The following ARHGAP22 variants were observed in gnomAD, a reference collection of about 807,000 sequenced individuals.
The protein encoded by ARHGAP22 is Rho GTPase activating protein 22.
A neutral mutation model predicts 59.1 loss-of-function variants in ARHGAP22; 48 were observed. The observed-to-expected ratio is 0.81, with a 90% CI of 0.64 to 1.03. The LOEUF is 1.03. Ranked by LOEUF, ARHGAP22 falls within the 50% of genes least tolerant of loss-of-function variation. The pLI, the probability that ARHGAP22 is intolerant of heterozygous loss-of-function variation, is 0.00. For synonymous variants in ARHGAP22, 445 were observed against 416.4 expected (o/e 1.07, Z -0.84); for missense variants, 1,015 against 958.7 (o/e 1.06, Z -0.78).
chr10:48,431,067 A>C, the ARHGAP22 span: 1 of 675,858 alleles, frequency 1.5e-6, no homozygotes, highest in Non-Finnish European at 2.7e-6. Flanking sequence ...CATTTAACTG[A>C]CTGTCATTGT....
chr10:48,453,926 C>G (rs549821226), intron 7 of ARHGAP22, among the ~76,000 whole-genome samples, 162 bp downstream of exon 7: 30 of 152,292 alleles, frequency 2.0e-4, no homozygotes, highest in African/African-American at 7.2e-4. Flanking sequence ...AGGGTCTGTG[C>G]TTTTCCACTC....
intron 1 of ARHGAP22, among the ~76,000 whole-genome samples, chr10:48,644,691 A>G (rs1589302944): frequency 6.6e-6 from 1 of 152,338 alleles, no homozygotes; most frequent in East Asian, 1.9e-4. Context: ...ATCACACAGG[A>G]AATCAGAAGG....
rs553835954 is a variant in ARHGAP22 at position 48,539,290 on chromosome 10, C to CTTTTTTTTTTTTTTTTT, written c.322+16172_322+16173insAAAAAAAAAAAAAAAAA. On this transcript the variant is annotated intron_variant, in intron 3 of 9. Coordinates refer to ENST00000249601, the MANE Select transcript of ARHGAP22 (RefSeq NM_021226.4). ...CTAACAATTAGTATGAGAAGGGTAA[C>CTTTTTTTTTTTTTTTTT]ATTTTTTTTTTTTTTTTTTGAGACG... Among the ~76,000 whole-genome samples the CTTTTTTTTTTTTTTTTT allele has an allele frequency of 3.1e-5, 4 of 129,308 alleles. 1 individual carries two copies. The highest frequency in any genetic ancestry group is 6.3e-5 in the African/African-American group (2 of 31,956). The allele number at this position is 129,308 out of a possible 152,430, so 84.8% of individuals were successfully genotyped here.
At chr10:48,522,518 C>T (rs1473871385) in intron 3 of ARHGAP22, among the ~76,000 whole-genome samples, 1 of 152,332 alleles carries the variant, frequency 6.6e-6, no homozygotes, top group Middle Eastern at 3.4e-3. Flanking sequence ...TCCACCCTTG[C>T]TTTTGGGACA....
At chr10:48,609,189 C>T (rs977775993), upstream of ARHGAP22, among the ~76,000 whole-genome samples, 3 of 152,212 alleles carry the variant, frequency 2.0e-5, no homozygotes, top group African/African-American at 7.2e-5. Context: ...ACTCTGTCTG[C>T]CCCAGTCACT....
Position 48,446,504 on chromosome 10 carries a change from C to A in ARHGAP22, c.1984G>T (p.Ala662Ser). 6.2e-7 allele frequency: 1 copy of A among 1,614,270 alleles called. No homozygotes were observed. The highest frequency in any genetic ancestry group is 8.5e-7 in the Non-Finnish European group (1 of 1,180,040). ...TTCCTCCTCTCCGCATCCTCCCGCGCCCGTTCAGAGTTCCGCAGCTTTATT... is the reference window on the plus strand; with the variant it reads ...TTCCTCCTCTCCGCATCCTCCCGCGACCGTTCAGAGTTCCGCAGCTTTATT... ...LEIKLRNSER[A>S]REDAERRNQL... Residue 662 changes from alanine to serine, a missense_variant, in exon 10 of 10, where the codon GCG becomes TCG. Physicochemically the swap from Ala to Ser is moderately conservative, Grantham distance 99 (BLOSUM62 1). Coordinates refer to ENST00000249601, the MANE Select transcript of ARHGAP22 (RefSeq NM_021226.4).
At chr10:48,519,933 G>C (rs2053649603) in intron 3 of ARHGAP22, among the ~76,000 whole-genome samples, 1 of 152,184 alleles carries the variant, frequency 6.6e-6, no homozygotes, top group Non-Finnish European at 1.5e-5. Flanking sequence ...ATGCTGGCTT[G>C]GGCAGTGGAC....
the ARHGAP22 span, chr10:48,435,321 T>C: frequency 3.7e-6 from 1 of 273,760 alleles, no homozygotes; most frequent in African/African-American, 2.2e-5. Context: ...TGCTTTATCT[T>C]ATGCTGCTGA....
chr10:48,462,414 G>A (rs539607811), intron 4 of ARHGAP22, among the ~76,000 whole-genome samples: 5 of 152,142 alleles, frequency 3.3e-5, no homozygotes, highest in Non-Finnish European at 5.9e-5. Context: ...TCATTATCTT[G>A]ACTTTTGCCT....
chr10:48,489,888 C>G (rs573248244), intron 3 of ARHGAP22, among the ~76,000 whole-genome samples: 1 of 152,282 alleles, frequency 6.6e-6, no homozygotes, highest in Non-Finnish European at 1.5e-5. Context: ...CACCTGCCAT[C>G]ACGCTCGGCT....
intron 3 of ARHGAP22, among the ~76,000 whole-genome samples, chr10:48,485,915 G>A (rs1388068319): frequency 6.6e-6 from 1 of 151,936 alleles, no homozygotes; most frequent in East Asian, 1.9e-4. Context: ...CATATAGTTG[G>A]GTCCTGCTTT....
chr10:48,647,884 G>A (rs974324973), intron 1 of ARHGAP22, among the ~76,000 whole-genome samples: 1 of 152,154 alleles, frequency 6.6e-6, no homozygotes, highest in African/African-American at 2.4e-5. Flanking sequence ...TGATTCACAC[G>A]AGAACATGAA....
chr10:48,595,804 C>A (rs889175688), intron 1 of ARHGAP22, among the ~76,000 whole-genome samples: 3 of 152,130 alleles, frequency 2.0e-5, no homozygotes, highest in Non-Finnish European at 2.9e-5. Flanking sequence ...AGCTACTACA[C>A]CCAGCTTAAT....
chr10:48,583,740 G>A (rs975007281), intron 1 of ARHGAP22, among the ~76,000 whole-genome samples: 22 of 152,114 alleles, frequency 1.4e-4, no homozygotes, highest in Non-Finnish European at 3.2e-4. Flanking sequence ...TACTCTGGAG[G>A]CATCCGAGCC....
At chr10:48,492,628 A>T (rs2050514564) in intron 3 of ARHGAP22, among the ~76,000 whole-genome samples, 1 of 152,022 alleles carries the variant, frequency 6.6e-6, no homozygotes, top group Non-Finnish European at 1.5e-5. Context: ...ATCCTGGCTC[A>T]CTACAACCTC....
At chr10:48,546,203 G>T (rs561037424) in intron 3 of ARHGAP22, among the ~76,000 whole-genome samples, 2 of 152,182 alleles carry the variant, frequency 1.3e-5, no homozygotes, top group Non-Finnish European at 2.9e-5. Flanking sequence ...TGGCAGTGTG[G>T]TCTTTTCTGT....
chr10:48,527,542 T>C (rs1320938346), intron 3 of ARHGAP22, among the ~76,000 whole-genome samples: 1 of 151,960 alleles, frequency 6.6e-6, no homozygotes, highest in Non-Finnish European at 1.5e-5. Flanking sequence ...GGTGGAGGGA[T>C]GGTTGAATGG....
At chr10:48,520,498 T>A (rs1564810205) in intron 3 of ARHGAP22, among the ~76,000 whole-genome samples, 1 of 151,698 alleles carries the variant, frequency 6.6e-6, no homozygotes, top group East Asian at 1.9e-4. Context: ...GGGGCCAGGA[T>A]GAGTGGGGAG....
intron 3 of ARHGAP22, among the ~76,000 whole-genome samples, chr10:48,526,511 T>C (rs527378478): frequency 6.6e-6 from 1 of 152,302 alleles, no homozygotes; most frequent in Admixed American, 6.5e-5. Flanking sequence ...CCAAGTCATT[T>C]TAAACAGTTT....
Sources: gnomAD v4.1 joint callset for allele counts (sites outside exome capture counted in the v4.1 genomes callset) on GRCh38, gnomAD v4.1.1 for gene constraint, MANE v1.5 for transcripts, NCBI Gene and HGNC (gene_info 2026-07-23, HGNC 2026-07-21) for gene names.